TRIM26: variants seen among roughly 807,000 people sequenced by gnomAD.
The protein encoded by TRIM26 is tripartite motif-containing protein 26.
TRIM26 carries 16 observed loss-of-function variants against 45.5 expected under a neutral mutation model. The observed-to-expected ratio is 0.35, with a 90% confidence interval of 0.24 to 0.53. The LOEUF is 0.53. Ranked by LOEUF, TRIM26 falls within the 20% of genes least tolerant of loss-of-function variation. The pLI is 0.92. For missense variants in TRIM26, 442 were observed against 691.1 expected, an observed-to-expected ratio of 0.64 and a Z score of 4.04; for synonymous variants, 273 against 290.4, an observed-to-expected ratio of 0.94 and a Z score of 0.61.
In TRIM26 at chr6:30,198,331, C is replaced by T. The variant is rs556195214; in HGVS notation, c.534+98G>A. 9.9e-6 allele frequency: 13 copies of T among 1,310,366 alleles called. No homozygotes were observed. The highest frequency in any genetic ancestry group is 7.3e-5 in the South Asian group (6 of 81,936). 81.2% of individuals were successfully genotyped at this position (1,310,366 alleles called of 1,614,324 possible). ...TGACACCCATCCTCCCTGTGAGCAGCGCCTAGAAACACCTCCCAGCTGCCG... is the reference window on the plus strand; with the variant it reads ...TGACACCCATCCTCCCTGTGAGCAGTGCCTAGAAACACCTCCCAGCTGCCG... On this transcript the variant is annotated intron_variant, in intron 5 of 9. Transcript: ENST00000454678. The surrounding 1 kb of genome is among the most constrained non-coding windows in gnomAD (Gnocchi z 6.3).
At chr6:30,208,713 A>G (rs946234283) in intron 1 of TRIM26, among the ~76,000 whole-genome samples, 2 of 152,146 alleles carry the variant, frequency 1.3e-5, no homozygotes, top group East Asian at 1.9e-4. Context: ...ATATTTCTGC[A>G]TACATGTTCT....
In TRIM26 at chr6:30,201,052, C is replaced by T. The variant is rs2239531; in HGVS notation, c.-179G>A. 0.14 allele frequency: 20,978 copies of T among 152,246 alleles called. 1,935 individuals are homozygous for T. The highest frequency in any genetic ancestry group is 0.34 in the East Asian group (1,756 of 5,170). 9.4% of individuals were successfully genotyped at this position (152,246 alleles called of 1,614,324 possible). A position where few individuals can be genotyped will look rare whatever the true frequency, so the allele number is the denominator to read the frequency against. ...GGCAGTACCTGGAGGACTTGCTCTC[C>T]TATAGATCCATGGAAGGCAACTACA... On this transcript the variant is annotated 5_prime_UTR_variant, in exon 3 of 10. An upstream open reading frame in the 5' UTR loses its in-frame stop. Transcript: ENST00000454678.
chr6:30,189,226 C>G lies in TRIM26; in HGVS notation c.905-27G>C. 6.2e-7 allele frequency: 1 copy of G among 1,613,034 alleles called. No individual in the cohort carries two copies. Among genetic ancestry groups the G allele is most frequent in the Non-Finnish European group, 8.5e-7 (1 of 1,180,022 alleles). The stretch of plus-strand genomic sequence containing the variant: ...TGGGGAGAAAAAAGGACAGCAATGA[C>G]TCAAGTCCCGAAAATTTATGAGCCC... On this transcript the variant is annotated intron_variant, in intron 8 of 9. Transcript: ENST00000454678. The surrounding 1 kb of genome is among the most constrained non-coding windows in gnomAD (Gnocchi z 5.0).
intron 3 of TRIM26, among the ~76,000 whole-genome samples, chr6:30,200,631 T>C: frequency 6.6e-6 from 1 of 152,238 alleles, no homozygotes; most frequent in South Asian, 2.1e-4. Context: ...ACTCTGCTTC[T>C]GTTTACCTTT....
intron 1 of TRIM26, among the ~76,000 whole-genome samples, chr6:30,211,414 G>A (rs988346098): frequency 3.3e-5 from 5 of 152,036 alleles, no homozygotes; most frequent in Admixed American, 6.6e-5. Flanking sequence ...GATCCTGGGG[G>A]GGTCCAAGTC....
At chr6:30,210,253 G>A (rs1315726553) in intron 1 of TRIM26, among the ~76,000 whole-genome samples, 3 of 149,338 alleles carry the variant, frequency 2.0e-5, no homozygotes, top group East Asian at 3.9e-4. Context: ...CCCTGCATCC[G>A]GCTAGCCCCA....
chr6:30,189,169 G>C lies in TRIM26; in HGVS notation c.935C>G (p.Thr312Arg). ...GGAAACACCCTCTAGACACTCACCTGTCTTATATTCCAAGTCTCTCAGCAG... is the reference window on the plus strand; with the variant it reads ...GGAAACACCCTCTAGACACTCACCTCTCTTATATTCCAAGTCTCTCAGCAG... ...GKLLRDLEYK[T>R]VSVTLDPQSA... The change falls in exon 9 of 10, where the codon ACA becomes AGA. Residue 312 changes from threonine to arginine, a missense_variant and splice_region_variant. By Grantham distance (71) the Thr-to-Arg change is moderately conservative. Coordinates refer to ENST00000454678, the MANE Select transcript of TRIM26 (RefSeq NM_003449.5). This position sits in a 1 kb window ranked among gnomAD's most constrained non-coding sequence, Gnocchi z 5.0. 6.2e-7 allele frequency: 1 copy of C among 1,612,834 alleles called. No individual in the cohort carries two copies. Among genetic ancestry groups the C allele is most frequent in the Non-Finnish European group, 8.5e-7 (1 of 1,180,006 alleles).
rs958573162 is a variant in TRIM26 at position 30,189,878 on chromosome 6, G to A, written c.788+135C>T. On this transcript the variant is annotated intron_variant, in intron 7 of 9. Transcript: ENST00000454678. This position sits in a 1 kb window ranked among gnomAD's most constrained non-coding sequence, Gnocchi z 5.0. ...AATGATGTGTCCTGCTCCTCAGAAGGGCATCAGGATGAACCATGGGATGTG... is the reference window on the plus strand; with the variant it reads ...AATGATGTGTCCTGCTCCTCAGAAGAGCATCAGGATGAACCATGGGATGTG... 7 of 1,027,358 alleles carry A rather than the reference G, an allele frequency of 6.8e-6. 1 individual carries two copies. The highest frequency in any genetic ancestry group is 1.0e-5 in the Non-Finnish European group (7 of 668,634). 63.6% of individuals were successfully genotyped at this position (1,027,358 alleles called of 1,614,324 possible). A position where few individuals can be genotyped will look rare whatever the true frequency, so the allele number is the denominator to read the frequency against.
intron 6 of TRIM26, among the ~76,000 whole-genome samples, chr6:30,193,193 T>TTTTTTTTTTC (rs41316756): frequency 1.0e-3 from 69 of 68,056 alleles, no homozygotes; most frequent in Non-Finnish European, 1.5e-3. Context: ...TTTTTTTTTT[T>TTTTTTTTTTC]TTTTTTTTAA....
rs1318488770 is a variant in TRIM26, at chr6:30,209,042, C to T, written c.-376+4263G>A. On this transcript the variant is annotated intron_variant, in intron 1 of 9. Transcript: ENST00000454678. This position sits in a 1 kb window ranked among gnomAD's most constrained non-coding sequence, Gnocchi z 4.8. The stretch of plus-strand genomic sequence containing the variant: ...GCAGACCAGATATTGTGCTCCTCGA[C>T]CCAACCAGTAAATGTTGTAAATGTT... 6.6e-6 allele frequency among the ~76,000 whole-genome samples: 1 copy of T among 151,952 alleles called. No individual in the cohort carries two copies. The highest frequency in any genetic ancestry group is 1.5e-5 in the Non-Finnish European group (1 of 68,002).
Position 30,189,804 on chromosome 6 carries a change from C to T in TRIM26, c.788+209G>A. On this transcript the variant is annotated intron_variant, in intron 7 of 9. Transcript: ENST00000454678. This position sits in a 1 kb window ranked among gnomAD's most constrained non-coding sequence, Gnocchi z 5.0. ...CAAATAAGGCCAGTGGGCCAAGGAG[C>T]TGGGGCTACACAGAGAACCATAAGG... 1 of 650,260 alleles carries T rather than the reference C, an allele frequency of 1.5e-6. No individual in the cohort carries two copies. The highest frequency in any genetic ancestry group is 2.6e-6 in the Non-Finnish European group (1 of 385,726). 40.3% of individuals were successfully genotyped at this position (650,260 alleles called of 1,614,324 possible). A position where few individuals can be genotyped will look rare whatever the true frequency, so the allele number is the denominator to read the frequency against.
At chr6:30,193,100 C>A (rs9261548) in intron 6 of TRIM26, among the ~76,000 whole-genome samples, 48,550 of 110,362 alleles carry the variant, frequency 0.44, 10,493 homozygotes, top group Non-Finnish European at 0.46. Flanking sequence ...ATATATGTAT[C>A]TATATACATA....
chr6:30,203,012 GTTA>G, intron 2 of TRIM26, among the ~76,000 whole-genome samples: 1 of 149,510 alleles, frequency 6.7e-6, no homozygotes, highest in African/African-American at 2.5e-5. Context: ...TAGGCTGGGT[GTTA>G]GATCATATTA....
In TRIM26 at chr6:30,196,812, G is replaced by A. The variant is rs532053955; in HGVS notation, c.535-66C>T. ...TCAGGGTGGAGGGCCCAGTGCTGGA[G>A]GTGTGCAAGGCTGGCTCGTTCACCT... On this transcript the variant is annotated intron_variant, in intron 5 of 9. Transcript: ENST00000454678. This position sits in a 1 kb window ranked among gnomAD's most constrained non-coding sequence, Gnocchi z 4.9. 7.1e-5 allele frequency: 110 copies of A among 1,545,064 alleles called. No homozygotes were observed. The highest frequency in any genetic ancestry group is 9.6e-5 in the Non-Finnish European group (108 of 1,123,804).
In TRIM26 at chr6:30,193,837, G is replaced by A. The variant is rs563592972; in HGVS notation, c.765+2679C>T. Among the ~76,000 whole-genome samples, 6 of 152,222 alleles carry A rather than the reference G, an allele frequency of 3.9e-5. No individual in the cohort carries two copies. The East Asian group carries it at 7.7e-4, about 20-fold the overall frequency. ...ATTTTATTTTACTTTTGTAGCTATT[G>A]TAAATGGGGTTGCTTTCTTGATGTC... On this transcript the variant is annotated intron_variant, in intron 6 of 9. Transcript: ENST00000454678.
In TRIM26 at chr6:30,189,183, G is replaced by C; in HGVS notation, c.921C>G (p.Asp307Glu). The change falls in exon 9 of 10, where the codon GAC (aspartate) becomes GAG (glutamate). Residue 307 changes from aspartate to glutamate, a missense_variant. By Grantham distance (45) the Asp-to-Glu change is conservative. Coordinates refer to ENST00000454678, the MANE Select transcript of TRIM26 (RefSeq NM_003449.5). The surrounding 1 kb of genome is among the most constrained non-coding windows in gnomAD (Gnocchi z 5.0). The stretch of plus-strand genomic sequence containing the variant: ...GACACTCACCTGTCTTATATTCCAA[G>C]TCTCTCAGCAGCTTCCCTGGGGAGA... Reference protein sequence around the residue: ...LREFQGKLLRDLEYKTVSVTL... With the variant: ...LREFQGKLLRELEYKTVSVTL... 3 of 1,612,950 alleles carry C rather than the reference G, an allele frequency of 1.9e-6. No homozygotes were observed.
chr6:30,186,730 C>T lies in TRIM26; in HGVS notation c.938-172G>A. ...GGTATAAGTGTGACACATTTTCTGG[C>T]TTTGTATTCTGCTAAATCACCATAA... On this transcript the variant is annotated intron_variant, in intron 9 of 9. Coordinates refer to ENST00000454678, the MANE Select transcript of TRIM26 (RefSeq NM_003449.5). The surrounding 1 kb of genome is among the most constrained non-coding windows in gnomAD (Gnocchi z 7.4). The T allele has an allele frequency of 1.9e-6, 2 of 1,030,500 alleles. No homozygotes were observed. The highest frequency in any genetic ancestry group is 2.9e-5 in the Admixed American group (1 of 34,072). 63.8% of individuals were successfully genotyped at this position (1,030,500 alleles called of 1,614,324 possible).
rs1777795996 is a variant in TRIM26, at chr6:30,207,039, G to T, written c.-375-2274C>A. Reference sequence around the variant, plus strand: ...CCTGCCCATATGGAGTGCTGTGGAGGGTTAGCCTCACAGGCAGAGGAAATC... The same window carrying T: ...CCTGCCCATATGGAGTGCTGTGGAGTGTTAGCCTCACAGGCAGAGGAAATC... On this transcript the variant is annotated intron_variant, in intron 1 of 9. Coordinates refer to ENST00000454678, the MANE Select transcript of TRIM26 (RefSeq NM_003449.5). This position sits in a 1 kb window ranked among gnomAD's most constrained non-coding sequence, Gnocchi z 4.9. 6.6e-6 allele frequency among the ~76,000 whole-genome samples: 1 copy of T among 152,196 alleles called. No individual in the cohort carries two copies. Among genetic ancestry groups the T allele is most frequent in the African/African-American group, 2.4e-5 (1 of 41,450 alleles).
chr6:30,201,425 G>A (rs540645937), intron 2 of TRIM26, among the ~76,000 whole-genome samples: 1 of 152,302 alleles, frequency 6.6e-6, no homozygotes, highest in African/African-American at 2.4e-5. Context: ...ATCTAGGTAT[G>A]TGTGACTTTA....
Sources: allele counts gnomAD v4.1 joint callset (sites outside exome capture counted in the v4.1 genomes callset), GRCh38; gene constraint gnomAD v4.1.1; non-coding constraint Gnocchi (gnomAD v3.1); transcripts MANE v1.5; gene names NCBI Gene and HGNC (gene_info 2026-07-23, HGNC 2026-07-21).